The following IFIT3 variants were observed in gnomAD, a reference collection of about 807,000 sequenced individuals.
IFIT3 encodes the protein interferon induced protein with tetratricopeptide repeats 3, also known as interferon-induced protein with tetratricopeptide repeats 3.
IFIT3 carries 2 observed loss-of-function variants against 2.4 expected under a neutral mutation model. The observed-to-expected ratio is 0.82, with a 90% CI of 0.34 to 2.60. IFIT3 has a LOEUF of 2.60. Among genes scored for constraint, IFIT3 ranks in the 30% most tolerant of loss-of-function variants. The pLI is 0.11. For missense variants in IFIT3, 481 were observed against 562.4 expected (o/e 0.86, Z 1.46); for synonymous variants, 203 against 212.1 (o/e 0.96, Z 0.37).
At chr10:89,335,168 G>C (rs578236008) in intron 1 of IFIT3, among the ~76,000 whole-genome samples, 2 of 152,236 alleles carry the variant, frequency 1.3e-5, no homozygotes, top group Middle Eastern at 3.4e-3. Flanking sequence ...GAAAAATCAA[G>C]AGAATCAAGG....
In IFIT3 at chr10:89,328,097, C is replaced by A; in HGVS notation, c.5+19C>A. On this transcript the variant is annotated intron_variant, in intron 1 of 1. Coordinates refer to ENST00000371818, the MANE Select transcript of IFIT3 (RefSeq NM_001549.6). ...TCATGAGGTCAGTGAAATAAGAATG[C>A]ATAATCATGCTTGTTTTTGAGTGCA... 1 of 1,612,682 alleles carries A rather than the reference C, an allele frequency of 6.2e-7. No individual in the cohort carries two copies. The highest frequency in any genetic ancestry group is 8.5e-7 in the Non-Finnish European group (1 of 1,178,718).
intron 1 of IFIT3, among the ~76,000 whole-genome samples, chr10:89,330,794 T>C (rs7897619): frequency 0.25 from 37,949 of 152,082 alleles, 5,060 homozygotes; most frequent in African/African-American, 0.32. Context: ...ATTAGCTCCA[T>C]AAATAAAGGG....
At position 89,339,576 on chromosome 10, in the gene IFIT3, T is replaced by G; in HGVS notation, c.921T>G (p.Ile307Met). The G allele has an allele frequency of 6.2e-7, 1 of 1,614,146 alleles. No individual in the cohort carries two copies. The highest frequency in any genetic ancestry group is 2.2e-5 in the East Asian group (1 of 44,876). The change falls in exon 2 of 2, where the codon ATT becomes ATG. Residue 307 changes from isoleucine (I) to methionine (M), a missense_variant. Physicochemically the swap from Ile to Met is conservative, Grantham distance 10 (BLOSUM62 1). Transcript: ENST00000371818. Reference sequence around the variant, plus strand: ...AAGCTAGTGGAAATAAAGAGATGATTGAAGCACTAAAGCAATATGCTATGG... The same window carrying G: ...AAGCTAGTGGAAATAAAGAGATGATGGAAGCACTAAAGCAATATGCTATGG... ...ESEASGNKEM[I>M]EALKQYAMDY...
chr10:89,333,092 T>C (rs1319386264), intron 1 of IFIT3, among the ~76,000 whole-genome samples: 1 of 152,236 alleles, frequency 6.6e-6, no homozygotes, highest in African/African-American at 2.4e-5. Flanking sequence ...TTCCAATTTA[T>C]GTTGAGGTCA....
intron 1 of IFIT3, among the ~76,000 whole-genome samples, chr10:89,328,534 A>G (rs1187280991): frequency 1.3e-5 from 2 of 152,186 alleles, no homozygotes; most frequent in Non-Finnish European, 2.9e-5. Context: ...AAAAGGAGGA[A>G]TTTATTTTCA....
chr10:89,340,635 C>A lies in IFIT3; in HGVS notation c.*507C>A, dbSNP rs1247030200. 1 of 150,020 alleles carries A rather than the reference C, an allele frequency of 6.7e-6. No homozygotes were observed. The highest frequency in any genetic ancestry group is 1.5e-5 in the Non-Finnish European group (1 of 67,812). The allele number at this position is 150,020 out of a possible 1,614,324, so 9.3% of individuals were successfully genotyped here. On this transcript the variant is annotated 3_prime_UTR_variant, in exon 2 of 2. Coordinates refer to ENST00000371818, the MANE Select transcript of IFIT3 (RefSeq NM_001549.6). Reference sequence around the variant, plus strand: ...CATTACAGTTACATAGTCCGAAGGTCTTACAACTAATCACTGGTAGCAATA... The same window carrying A: ...CATTACAGTTACATAGTCCGAAGGTATTACAACTAATCACTGGTAGCAATA...
Position 89,339,781 on chromosome 10 carries a change from G to C in IFIT3, c.1126G>C (p.Asp376His), listed in dbSNP as rs768758976. Residue 376 changes from aspartate (D) to histidine (H), a missense_variant, in exon 2 of 2, where the codon GAC (aspartate) becomes CAC (histidine). Coordinates refer to ENST00000371818, the MANE Select transcript of IFIT3 (RefSeq NM_001549.6). The part of the protein sequence containing the change: ...NLQKYNGKSE[D>H]TAVQHGLEGL... ...TCAGAAATATAATGGGAAGTCTGAA[G>C]ACACTGCTGTGCAACATGGTTTAGA... The C allele has an allele frequency of 6.2e-7, 1 of 1,614,182 alleles. No homozygotes were observed. Among genetic ancestry groups the C allele is most frequent in the Admixed American group, 1.7e-5 (1 of 60,024 alleles).
chr10:89,338,952 C>T lies in IFIT3; in HGVS notation c.297C>T (p.Asn99=), dbSNP rs201297971. The part of the protein sequence containing the change: ...AEIRSLVTWG[N]YAWVYYHLGR... The stretch of plus-strand genomic sequence containing the variant: ...TCAGAAGTCTAGTCACTTGGGGAAA[C>T]TACGCCTGGGTCTACTATCACTTGG... Residue 99 remains asparagine (N), a synonymous_variant, in exon 2 of 2, where the codon AAC becomes AAT. Transcript: ENST00000371818. 4.3e-6 allele frequency: 7 copies of T among 1,614,174 alleles called. No individual in the cohort carries two copies. The highest frequency in any genetic ancestry group is 2.2e-5 in the East Asian group (1 of 44,882).
Position 89,339,619 on chromosome 10 carries a change from CTT to C in IFIT3, c.965_966del (p.Leu322ArgfsTer15). 1 of 1,614,180 alleles carries C rather than the reference CTT, an allele frequency of 6.2e-7. No individual in the cohort carries two copies. ...QYAMDYSNKALEKGLNPLNAY... is the reference protein window; with the variant it reads ...QYAMDYSNKAXEKGLNPLNAY... ...TGCTATGGACTATTCGAATAAAGCTCTTGAGAAGGGACTGAATCCTCTGAATG... is the reference window on the plus strand; with the variant it reads ...TGCTATGGACTATTCGAATAAAGCTCGAGAAGGGACTGAATCCTCTGAATG... On this transcript the variant is annotated frameshift_variant, in exon 2 of 2. Transcript: ENST00000371818. LOFTEE classifies it low-confidence loss of function (END_TRUNC).
chr10:89,337,596 C>T (rs959054364), intron 1 of IFIT3, among the ~76,000 whole-genome samples: 18 of 152,110 alleles, frequency 1.2e-4, no homozygotes, highest in African/African-American at 3.1e-4. Flanking sequence ...GGCAGGCTTT[C>T]GCCATGTTGC....
chr10:89,335,181 C>T (rs1843716035), intron 1 of IFIT3, among the ~76,000 whole-genome samples: 1 of 152,116 alleles, frequency 6.6e-6, no homozygotes, highest in South Asian at 2.1e-4. Context: ...AATCAAGGGA[C>T]CCAATTTTCA....
At position 89,340,270 on chromosome 10, in the gene IFIT3, G is replaced by A; in HGVS notation, c.*142G>A. On this transcript the variant is annotated 3_prime_UTR_variant, in exon 2 of 2. Transcript: ENST00000371818. The stretch of plus-strand genomic sequence containing the variant: ...CTCTAAGGTACATTTTTAAAGAGTT[G>A]TTTTTTGGCCGGGCGCAGTGGCTCA... 2 of 919,130 alleles carry A rather than the reference G, an allele frequency of 2.2e-6. No individual in the cohort carries two copies. Among genetic ancestry groups the A allele is most frequent in the Non-Finnish European group, 1.6e-6 (1 of 643,142 alleles). 56.9% of individuals were successfully genotyped at this position (919,130 alleles called of 1,614,324 possible).
intron 1 of IFIT3, among the ~76,000 whole-genome samples, chr10:89,333,627 G>T (rs992187328): frequency 6.6e-6 from 1 of 152,112 alleles, no homozygotes; most frequent in African/African-American, 2.4e-5. Flanking sequence ...TTGAGCCCAG[G>T]GGCTCCAGAC....
At chr10:89,335,580 A>T (rs544017309) in intron 1 of IFIT3, 1 of 151,494 alleles carries the variant, frequency 6.6e-6, no homozygotes, top group Non-Finnish European at 1.5e-5. Context: ...TAGTGTCATC[A>T]GACTTGCAAG....
intron 1 of IFIT3, among the ~76,000 whole-genome samples, chr10:89,336,353 A>G (rs986150846): frequency 4.6e-5 from 7 of 152,180 alleles, no homozygotes; most frequent in African/African-American, 1.2e-4. Context: ...GCACACACAT[A>G]AAGAGGCTAG....
chr10:89,331,088 T>C (rs1843644711), intron 1 of IFIT3, among the ~76,000 whole-genome samples: 1 of 152,176 alleles, frequency 6.6e-6, no homozygotes, highest in Non-Finnish European at 1.5e-5. Flanking sequence ...ACTTCCAGTG[T>C]AGAGAAAAAT....
chr10:89,340,203 GC>G lies in IFIT3; in HGVS notation c.*79del. 2.7e-6 allele frequency: 4 copies of G among 1,469,484 alleles called. No homozygotes were observed. Among genetic ancestry groups the G allele is most frequent in the Non-Finnish European group, 3.6e-6 (4 of 1,103,384 alleles). 91.0% of individuals were successfully genotyped at this position (1,469,484 alleles called of 1,614,324 possible). A position where few individuals can be genotyped will look rare whatever the true frequency, so the allele number is the denominator to read the frequency against. On this transcript the variant is annotated 3_prime_UTR_variant, in exon 2 of 2. Coordinates refer to ENST00000371818, the MANE Select transcript of IFIT3 (RefSeq NM_001549.6). ...GGGTAGGACGATAGGAAGACAGGGG[GC>G]CCCAACCTGGGATTGCTGAGCAGGG...
chr10:89,329,644 C>T (rs1843630961), intron 1 of IFIT3, among the ~76,000 whole-genome samples: 2 of 152,120 alleles, frequency 1.3e-5, no homozygotes, highest in African/African-American at 4.8e-5. Context: ...CTCCTCTGCC[C>T]CATCCACTGA....
At chr10:89,334,146 T>A (rs2133549723) in intron 1 of IFIT3, among the ~76,000 whole-genome samples, 1 of 152,346 alleles carries the variant, frequency 6.6e-6, no homozygotes, top group Middle Eastern at 3.4e-3. Flanking sequence ...TTCAAGATTC[T>A]ACTCTAGTAA....
Sources: allele counts gnomAD v4.1 joint callset (sites outside exome capture counted in the v4.1 genomes callset), GRCh38; gene constraint gnomAD v4.1.1; transcripts MANE v1.5; gene names NCBI Gene and HGNC (gene_info 2026-07-23, HGNC 2026-07-21).